Variants in FLT3 observed in about 807,000 individuals in gnomAD.
FLT3 encodes fms related receptor tyrosine kinase 3.
Under a neutral mutation model 126.6 loss-of-function variants are expected in FLT3, and 46 were observed. That is an observed-to-expected ratio of 0.36 (90% CI 0.29 to 0.46). FLT3 has a LOEUF of 0.46. Among genes scored for constraint, FLT3 ranks in the 20% least tolerant of loss-of-function variants. The probability of loss-of-function intolerance (pLI) is 1.00; values close to 1 mark genes in which losing one functional copy is unlikely to be tolerated. For missense variants in FLT3, 1,069 were observed against 1,190.3 expected (o/e 0.90, Z 1.50); for synonymous variants, 404 against 434.4 (o/e 0.93, Z 0.87).
chr13:28,080,791 A>G (rs1239157393), intron 1 of FLT3, among the ~76,000 whole-genome samples: 6 of 152,198 alleles, frequency 3.9e-5, no homozygotes, highest in African/African-American at 1.4e-4. Flanking sequence ...ATTTAGGTCT[A>G]TGATCCATTT....
chr13:28,009,710 A>T (rs1228035517), intron 23 of FLT3, among the ~76,000 whole-genome samples: 2 of 151,906 alleles, frequency 1.3e-5, no homozygotes, highest in Non-Finnish European at 2.9e-5. Flanking sequence ...ACAGGAATGC[A>T]CCACCACGCC....
At chr13:28,082,136 G>A (rs189380043) in intron 1 of FLT3, among the ~76,000 whole-genome samples, 1 of 150,168 alleles carries the variant, frequency 6.7e-6, no homozygotes, top group East Asian at 2.0e-4. Context: ...GATTATAGGC[G>A]TGAGCCACTG....
intron 9 of FLT3, among the ~76,000 whole-genome samples, chr13:28,041,504 G>T (rs1307122527): frequency 1.3e-5 from 2 of 152,316 alleles, no homozygotes; most frequent in African/African-American, 4.8e-5. Context: ...TGGTTTAGAA[G>T]AGATAGCACT....
intron 9 of FLT3, among the ~76,000 whole-genome samples, chr13:28,038,966 C>T (rs969580467): frequency 1.3e-5 from 2 of 151,918 alleles, no homozygotes; most frequent in Non-Finnish European, 2.9e-5. Flanking sequence ...AGCAGATGAT[C>T]AAAGAAGGCA....
At position 28,035,601 on chromosome 13, in the gene FLT3, C is replaced by T. The variant is rs775365687; in HGVS notation, c.1491G>A (p.Ser497=). 9 of 1,614,072 alleles carry T rather than the reference C, an allele frequency of 5.6e-6. No individual in the cohort carries two copies. The highest frequency in any genetic ancestry group is 5.5e-5 in the South Asian group (5 of 91,076). Residue 497 remains serine (S), a synonymous_variant, in exon 12 of 24, where the codon TCG becomes TCA. Coordinates refer to ENST00000241453, the MANE Select transcript of FLT3 (RefSeq NM_004119.3). ...ANRKVFGQWV[S]SSTLNMSEAI... ...CTTCACTCATGTTTAGAGTACTGCTCGACACCCACTGTCCAAACACTTTTC... is the reference window on the plus strand; with the variant it reads ...CTTCACTCATGTTTAGAGTACTGCTTGACACCCACTGTCCAAACACTTTTC...
At chr13:28,067,301 G>T (rs1201701272) in intron 2 of FLT3, among the ~76,000 whole-genome samples, 1 of 152,206 alleles carries the variant, frequency 6.6e-6, no homozygotes, top group Non-Finnish European at 1.5e-5. Context: ...GGGATTACAG[G>T]CGTGAGCCAC....
chr13:28,072,373 G>C (rs189938914), intron 1 of FLT3, among the ~76,000 whole-genome samples: 1 of 151,952 alleles, frequency 6.6e-6, no homozygotes, highest in Admixed American at 6.6e-5. Context: ...GAACATTTAA[G>C]ATCTACTCTC....
Position 28,033,906 on chromosome 13 carries a change from A to G in FLT3, c.1923T>C (p.Val641=). The change falls in exon 15 of 24, where the codon GTT becomes GTC. Residue 641 remains valine, a synonymous_variant. Coordinates refer to ENST00000241453, the MANE Select transcript of FLT3 (RefSeq NM_004119.3). ...CTGTACCTTTCAGCATTTTGACGGC[A>G]ACCTGGATTGAGACTCCTGTTTTGC... is the stretch of plus-strand genomic sequence containing the variant. The part of the protein sequence containing the change: ...GISKTGVSIQ[V]AVKMLKEKAD... 1 of 1,614,116 alleles carries G rather than the reference A, an allele frequency of 6.2e-7. No homozygotes were observed. Among genetic ancestry groups the G allele is most frequent in the Non-Finnish European group, 8.5e-7 (1 of 1,179,974 alleles).
At chr13:28,029,906 T>C (rs574230543) in intron 15 of FLT3, among the ~76,000 whole-genome samples, 6 of 152,318 alleles carry the variant, frequency 3.9e-5, no homozygotes, top group South Asian at 4.1e-4. Context: ...GGAAAGTCAC[T>C]ATGGAATCCA....
Position 28,088,796 on chromosome 13 carries a change from G to C in FLT3, c.43+11672C>G, listed in dbSNP as rs1416776841. Reference sequence around the variant, plus strand: ...AGACGGGGTTTCACTATGTTGGCCAGGCTGGTCTTGAACTCCTGACCTGGT... The same window carrying C: ...AGACGGGGTTTCACTATGTTGGCCACGCTGGTCTTGAACTCCTGACCTGGT... On this transcript the variant is annotated intron_variant, in intron 1 of 23. Coordinates refer to ENST00000241453, the MANE Select transcript of FLT3 (RefSeq NM_004119.3). Among the ~76,000 whole-genome samples, 8 of 151,674 alleles carry C rather than the reference G, an allele frequency of 5.3e-5. No homozygotes were observed. The East Asian group carries it at 1.6e-3, about 29-fold the overall frequency.
At position 28,015,676 on chromosome 13, in the gene FLT3, G is replaced by A. The variant is rs773272572; in HGVS notation, c.2567C>T (p.Ala856Val). The change falls in exon 21 of 24, where the codon GCC (alanine) becomes GTC (valine). Residue 856 changes from alanine (A) to valine (V), a missense_variant. Ala to Val is a moderately conservative substitution (Grantham distance 64). Coordinates refer to ENST00000241453, the MANE Select transcript of FLT3 (RefSeq NM_004119.3). ...GATGCCTTCAAACAGGCTTTCGGGG[G>A]CCATCCATTTTACAGGCAGACGGGC... ...GNARLPVKWMAPESLFEGIYT... is the reference protein window; with the variant it reads ...GNARLPVKWMVPESLFEGIYT... 1.9e-6 allele frequency: 3 copies of A among 1,604,382 alleles called. No homozygotes were observed. Among genetic ancestry groups the A allele is most frequent in the South Asian group, 1.1e-5 (1 of 90,064 alleles).
chr13:28,048,465 T>A, intron 8 of FLT3, 22 bp from the exon 9 acceptor site: 1 of 1,457,842 alleles, frequency 6.9e-7, no homozygotes, highest in Non-Finnish European at 9.6e-7. Context: ...AATAGGCATT[T>A]ATGAGTTAGT....
chr13:28,052,344 C>CCGGT lies in FLT3; in HGVS notation c.614+200_614+201insACCG, dbSNP rs1223944251. ...CTCCTGACCTCAAGTGATCTGTCCA[C>CCGGT]CTTGGCCTCCCGAAATGCTGGGATT... On this transcript the variant is annotated intron_variant, in intron 5 of 23. Coordinates refer to ENST00000241453, the MANE Select transcript of FLT3 (RefSeq NM_004119.3). 6.8e-3 allele frequency among the ~76,000 whole-genome samples: 1,027 copies of CCGGT among 151,642 alleles called. 17 individuals carry two copies. The highest frequency in any genetic ancestry group is 0.023 in the African/African-American group (944 of 41,040).
At chr13:28,084,848 GCC>G (rs1878551732) in intron 1 of FLT3, among the ~76,000 whole-genome samples, 1 of 151,790 alleles carries the variant, frequency 6.6e-6, no homozygotes, top group Non-Finnish European at 1.5e-5. Context: ...GGTGGCGGGC[GCC>G]TGTAGTCCCA....
In FLT3 at chr13:28,038,320, T is replaced by G. The variant is rs6491248; in HGVS notation, c.1206-1032A>C. On this transcript the variant is annotated intron_variant, in intron 9 of 23. Transcript: ENST00000241453. The stretch of plus-strand genomic sequence containing the variant: ...GCAGGAGAGGCAGGGCAGCAATGAG[T>G]TGTTGAATATGCCTTCGTGCACTCA... 3.3e-5 allele frequency among the ~76,000 whole-genome samples: 5 copies of G among 151,696 alleles called. 1 individual carries two copies. The highest frequency in any genetic ancestry group is 5.9e-5 in the Non-Finnish European group (4 of 67,840).
At chr13:28,064,783 C>T (rs904398388) in intron 2 of FLT3, among the ~76,000 whole-genome samples, 2 of 152,100 alleles carry the variant, frequency 1.3e-5, no homozygotes, top group South Asian at 4.2e-4. Context: ...CCTGCACAAC[C>T]CTTCTGGAGA....
intron 23 of FLT3, among the ~76,000 whole-genome samples, chr13:28,010,969 C>T (rs1230140143): frequency 1.3e-5 from 2 of 151,762 alleles, no homozygotes; most frequent in African/African-American, 4.8e-5. Context: ...CGCCACTGCA[C>T]TCCAGCCTGG....
chr13:28,049,672 C>A lies in FLT3; in HGVS notation c.845G>T (p.Gly282Val). The A allele has an allele frequency of 6.2e-7, 1 of 1,614,108 alleles. No individual in the cohort carries two copies. The highest frequency in any genetic ancestry group is 8.5e-7 in the Non-Finnish European group (1 of 1,180,014). Reference protein sequence around the residue: ...CKAVHVNHGFGLTWELENKAL... With the variant: ...CKAVHVNHGFVLTWELENKAL... ...TTTGTTTTCTAATTCCCAGGTGAGCCCGAATCCATGGTTCACATGAACAGC... is the reference window on the plus strand; with the variant it reads ...TTTGTTTTCTAATTCCCAGGTGAGCACGAATCCATGGTTCACATGAACAGC... The change falls in exon 7 of 24, where the codon GGG becomes GTG. Residue 282 changes from glycine to valine, a missense_variant. By Grantham distance (109) the Gly-to-Val change is moderately radical (BLOSUM62 -3). Coordinates refer to ENST00000241453, the MANE Select transcript of FLT3 (RefSeq NM_004119.3).
intron 1 of FLT3, among the ~76,000 whole-genome samples, chr13:28,086,940 C>A (rs1387600144): frequency 1.3e-5 from 2 of 151,890 alleles, no homozygotes; most frequent in African/African-American, 4.8e-5. Flanking sequence ...AACCACCATG[C>A]CCACCTGTCT....
Sources: gnomAD v4.1 joint callset for allele counts (sites outside exome capture counted in the v4.1 genomes callset) on GRCh38, gnomAD v4.1.1 for gene constraint, MANE v1.5 for transcripts, NCBI Gene and HGNC (gene_info 2026-07-23, HGNC 2026-07-21) for gene names.